LACRT: variants seen among roughly 807,000 people sequenced by gnomAD.
The protein encoded by LACRT is lacritin.
LACRT carries 14 observed loss-of-function variants against 14.5 expected under a neutral mutation model. The observed-to-expected ratio is 0.96, with a 90% confidence interval of 0.64 to 1.51. The LOEUF is 1.51. Ranked by LOEUF, LACRT falls within the 40% of genes most tolerant of loss-of-function variation. The probability of loss-of-function intolerance (pLI) is 0.00; values close to 1 mark genes in which losing one functional copy is unlikely to be tolerated. For synonymous variants in LACRT, 70 were observed against 63.5 expected, an observed-to-expected ratio of 1.10 and a Z score of -0.48; for missense variants, 156 against 161.8, an observed-to-expected ratio of 0.96 and a Z score of 0.19.
intron 3 of LACRT, 132 bp from the exon 4 acceptor site, chr12:54,631,971 G>T (rs2121270152): frequency 1.5e-6 from 1 of 652,810 alleles, no homozygotes. Flanking sequence ...AAGTCCTAAA[G>T]TGCAGAAGTT....
chr12:54,631,978 A>G (rs1358968763), intron 3 of LACRT, 139 bp from the exon 4 acceptor site: 2 of 591,682 alleles, frequency 3.4e-6, no homozygotes, highest in Non-Finnish European at 5.8e-6. Flanking sequence ...AAAGTGCAGA[A>G]GTTTTGCTGA....
At chr12:54,634,358 A>C (rs1181065096) in intron 1 of LACRT, among the ~76,000 whole-genome samples, 1 of 151,624 alleles carries the variant, frequency 6.6e-6, no homozygotes, top group East Asian at 1.9e-4. Flanking sequence ...TCTCAAAAAA[A>C]AAAAAAAAAA....
At chr12:54,632,459 A>G in intron 2 of LACRT, 78 bp from the exon 3 acceptor site, 1 of 1,546,674 alleles carries the variant, frequency 6.5e-7, no homozygotes, top group Non-Finnish European at 8.8e-7. Flanking sequence ...GGGCCCCAGG[A>G]TACCTAATGT....
intron 4 of LACRT, 27 bp downstream of exon 4, chr12:54,631,711 C>G (rs771967287): frequency 1.9e-6 from 3 of 1,553,804 alleles, no homozygotes; most frequent in East Asian, 2.2e-5. Flanking sequence ...CTCATTCCCA[C>G]AAAGCCTTGC....
chr12:54,634,185 T>A (rs950048179), intron 1 of LACRT, among the ~76,000 whole-genome samples: 4 of 151,958 alleles, frequency 2.6e-5, no homozygotes, highest in African/African-American at 9.7e-5. Context: ...AAACACCGTC[T>A]CTACTAAAAA....
At position 54,631,767 on chromosome 12, in the gene LACRT, C is replaced by A; in HGVS notation, c.326G>T (p.Gly109Val). The A allele has an allele frequency of 6.2e-7, 1 of 1,613,838 alleles. No individual in the cohort carries two copies. The highest frequency in any genetic ancestry group is 1.1e-5 in the South Asian group (1 of 91,078). ...GATGAATTGTTTTCCACCTGGCACG[C>A]CTCCGTGCATTCCTTTTCCTGCTTT... The part of the protein sequence containing the change: ...LAKAGKGMHG[G>V]VPGGKQFIEN... The change falls in exon 4 of 5, where the codon GGC becomes GTC. Residue 109 changes from glycine to valine, a missense_variant. Transcript: ENST00000257867.
In LACRT at chr12:54,632,389, T is replaced by A; in HGVS notation, c.113-8A>T. The A allele has an allele frequency of 1.9e-6, 3 of 1,612,942 alleles. No homozygotes were observed. Among genetic ancestry groups the A allele is most frequent in the Non-Finnish European group, 2.5e-6 (3 of 1,179,482 alleles). On this transcript the variant is annotated splice_polypyrimidine_tract_variant and splice_region_variant and intron_variant, in intron 2 of 4. Transcript: ENST00000257867. ...TCTCTTCATTAGGCTTAGCTGTGAA[T>A]GCACAAATTGATGGATTTTAGCAAA...
chr12:54,631,641 G>T (rs1232644704), intron 4 of LACRT, 97 bp downstream of exon 4: 2 of 855,864 alleles, frequency 2.3e-6, no homozygotes, highest in Non-Finnish European at 4.0e-6. Flanking sequence ...CATATGTGAG[G>T]TGGAAATGGG....
In LACRT at chr12:54,630,938, G is replaced by A; in HGVS notation, c.371C>T (p.Ala124Val). Residue 124 changes from alanine (A) to valine (V), a missense_variant, in exon 5 of 5, where the codon GCA becomes GTA. By Grantham distance (64) the Ala-to-Val change is moderately conservative (BLOSUM62 0). Transcript: ENST00000257867. ...KQFIENGSEF[A>V]QKLLKKFSLL... ...ACTGAATTTCTTCAGTAATTTTTGT[G>A]CAAATTCACTTCCATCTAGAAGGAA... The A allele has an allele frequency of 6.2e-7, 1 of 1,610,910 alleles. No individual in the cohort carries two copies. Among genetic ancestry groups the A allele is most frequent in the Non-Finnish European group, 8.5e-7 (1 of 1,177,632 alleles).
intron 2 of LACRT, among the ~76,000 whole-genome samples, chr12:54,632,767 A>G (rs1027032074): frequency 2.6e-5 from 4 of 152,158 alleles, no homozygotes; most frequent in Non-Finnish European, 4.4e-5. Context: ...TGTGGGTGCG[A>G]CATAAAAGAG....
chr12:54,630,980 G>C, intron 4 of LACRT, 27 bp from the exon 5 acceptor site: 2 of 1,498,752 alleles, frequency 1.3e-6, no homozygotes, highest in Non-Finnish European at 1.9e-6. Context: ...GACAAATGAG[G>C]CTTTTAGGAC....
intron 1 of LACRT, among the ~76,000 whole-genome samples, chr12:54,633,586 A>T (rs1958167821): frequency 6.6e-6 from 1 of 152,066 alleles, no homozygotes; most frequent in African/African-American, 2.4e-5. Context: ...GGAGGAGGAC[A>T]GTATGTGGGG....
At chr12:54,633,261 G>A in intron 1 of LACRT, 28 bp from the exon 2 acceptor site, 1 of 1,610,772 alleles carries the variant, frequency 6.2e-7, no homozygotes, top group Non-Finnish European at 8.5e-7. Flanking sequence ...TGCCAGATGA[G>A]AGCAAGGACC....
At position 54,631,010 on chromosome 12, in the gene LACRT, C is replaced by A. The variant is rs566604729; in HGVS notation, c.356-57G>T. ...TAGGACCCCAGGCACCAGCTCCACC[C>A]CTTCCATTTCTCCTCAATTCCATCT... On this transcript the variant is annotated intron_variant, in intron 4 of 4. Coordinates refer to ENST00000257867, the MANE Select transcript of LACRT (RefSeq NM_033277.2). The A allele has an allele frequency of 3.7e-4, 385 of 1,040,162 alleles. 2 individuals are homozygous for A. The highest frequency in any genetic ancestry group is 1.2e-3 in the South Asian group (90 of 78,156). The allele number at this position is 1,040,162 out of a possible 1,614,324, so 64.4% of individuals were successfully genotyped here.
chr12:54,631,504 G>A (rs973852953), intron 4 of LACRT, among the ~76,000 whole-genome samples: 2 of 152,242 alleles, frequency 1.3e-5, no homozygotes, highest in African/African-American at 4.8e-5. Context: ...GCCTCCCAAA[G>A]TGCTGGGATT....
At position 54,630,944 on chromosome 12, in the gene LACRT, T is replaced by A; in HGVS notation, c.365A>T (p.Glu122Val). The change falls in exon 5 of 5, where the codon GAA becomes GTA. Residue 122 changes from glutamate to valine, a missense_variant. Transcript: ENST00000257867. ...TTTCTTCAGTAATTTTTGTGCAAAT[T>A]CACTTCCATCTAGAAGGAAAGATGA... is the stretch of plus-strand genomic sequence containing the variant. Reference protein sequence around the residue: ...GGKQFIENGSEFAQKLLKKFS... With the variant: ...GGKQFIENGSVFAQKLLKKFS... 6.2e-7 allele frequency: 1 copy of A among 1,609,512 alleles called. No homozygotes were observed. Among genetic ancestry groups the A allele is most frequent in the Non-Finnish European group, 8.5e-7 (1 of 1,176,388 alleles).
intron 2 of LACRT, 147 bp from the exon 3 acceptor site, chr12:54,632,528 T>C: frequency 1.1e-6 from 1 of 927,932 alleles, no homozygotes; most frequent in Non-Finnish European, 1.6e-6. Flanking sequence ...TTAAGGGAGA[T>C]AGCATTTCTG....
Position 54,630,839 on chromosome 12 carries a change from G to A in LACRT, c.*53C>T. The A allele has an allele frequency of 1.5e-6, 2 of 1,330,384 alleles. No homozygotes were observed. The highest frequency in any genetic ancestry group is 1.2e-5 in the South Asian group (1 of 85,084). 82.4% of individuals were successfully genotyped at this position (1,330,384 alleles called of 1,614,324 possible). ...GATGCTTTCGTTTTAATAGCTCTGG[G>A]CTACAAGGGTATTTAAGGCTTTAAG... On this transcript the variant is annotated 3_prime_UTR_variant, in exon 5 of 5. Transcript: ENST00000257867.
At chr12:54,631,390 C>A (rs1008505919) in intron 4 of LACRT, among the ~76,000 whole-genome samples, 3 of 152,318 alleles carry the variant, frequency 2.0e-5, no homozygotes, top group Non-Finnish European at 4.4e-5. Flanking sequence ...CAGGCATGTG[C>A]CACCACGCCT....
Sources: gnomAD v4.1 joint callset for allele counts (sites outside exome capture counted in the v4.1 genomes callset) on GRCh38, gnomAD v4.1.1 for gene constraint, MANE v1.5 for transcripts, NCBI Gene and HGNC (gene_info 2026-07-23, HGNC 2026-07-21) for gene names.